The following SREBF1 variants were observed in gnomAD, a reference collection of about 807,000 sequenced individuals.
SREBF1 encodes sterol regulatory element binding transcription factor 1.
Under a neutral mutation model 100.1 loss-of-function variants are expected in SREBF1, and 45 were observed. That is an observed-to-expected ratio of 0.45 (90% confidence interval 0.35 to 0.58). The LOEUF (loss-of-function observed/expected upper bound fraction) is 0.58, where lower values mean the gene tolerates loss of function less well. Among genes scored for constraint, SREBF1 ranks in the 20% least tolerant of loss-of-function variants. The pLI, the probability that SREBF1 is intolerant of heterozygous loss-of-function variation, is 0.00. For missense variants in SREBF1, 1,324 were observed against 1,539.4 expected, an observed-to-expected ratio of 0.86 and a Z score of 2.34; for synonymous variants, 657 against 681.8, an observed-to-expected ratio of 0.96 and a Z score of 0.57.
Position 17,814,827 on chromosome 17 carries a change from G to T in SREBF1, c.2602+8C>A. 9 of 1,600,052 alleles carry T rather than the reference G, an allele frequency of 5.6e-6. No individual in the cohort carries two copies. The highest frequency in any genetic ancestry group is 7.7e-6 in the Non-Finnish European group (9 of 1,173,834). On this transcript the variant is annotated splice_region_variant and intron_variant, in intron 14 of 18. Transcript: ENST00000261646. The stretch of plus-strand genomic sequence containing the variant: ...AGAAGGGAGCCAGGACAGGGGCCGG[G>T]GACTCACCGGTGGTGGTGGCCATGC...
chr17:17,817,635 G>C lies in SREBF1; in HGVS notation c.1404+61C>G. ...GATCTGTTAGGGTCTTCCCGGCCCT[G>C]TCATGAGGCTCAGAGGATATGGCTG... is the stretch of plus-strand genomic sequence containing the variant. On this transcript the variant is annotated intron_variant, in intron 7 of 18. Transcript: ENST00000261646. The surrounding 1 kb of genome is among the most constrained non-coding windows in gnomAD (Gnocchi z 6.6). The C allele has an allele frequency of 6.2e-7, 1 of 1,603,284 alleles. No individual in the cohort carries two copies. The highest frequency in any genetic ancestry group is 8.5e-7 in the Non-Finnish European group (1 of 1,172,078).
chr17:17,811,953 CTAAGT>C lies in SREBF1; in HGVS notation c.*664_*668del, dbSNP rs1275842158. On this transcript the variant is annotated 3_prime_UTR_variant, in exon 19 of 19. Transcript: ENST00000261646. ...ACTAACAAACAAACATCGGGAAGAG[CTAAGT>C]TAAAAGTTGTGTACCTTGTGGCCGG... The C allele has an allele frequency of 2.2e-6, 1 of 448,044 alleles. No individual in the cohort carries two copies. The highest frequency in any genetic ancestry group is 1.6e-5 in the South Asian group (1 of 63,156). The allele number at this position is 448,044 out of a possible 1,614,324, so 27.8% of individuals were successfully genotyped here.
At chr17:17,828,741 C>A (rs1165191916) in intron 1 of SREBF1, among the ~76,000 whole-genome samples, 5 of 151,992 alleles carry the variant, frequency 3.3e-5, no homozygotes, top group Admixed American at 2.6e-4. Flanking sequence ...TGTAGCAAGG[C>A]CCCATCTCTA....
rs771276198 is a variant in SREBF1, at chr17:17,816,372, C to A, written c.2049G>T (p.Gly683=). 6.3e-6 allele frequency: 10 copies of A among 1,589,354 alleles called. No individual in the cohort carries two copies. The highest frequency in any genetic ancestry group is 7.7e-6 in the Non-Finnish European group (9 of 1,169,722). The part of the protein sequence containing the change: ...YHKLHQLHTM[G]KHTGGHLTAT... ...CAGTGAGGTGCCCGCCTGTGTGCTT[C>A]CCTGGAAGGCAAGCAGGCATGAGGC... The change falls in exon 11 of 19, where the codon GGG becomes GGT. Residue 683 remains glycine (G), a splice_region_variant and synonymous_variant. Transcript: ENST00000261646.
At chr17:17,815,179 G>T in intron 13 of SREBF1, 42 bp downstream of exon 13, 1 of 1,572,560 alleles carries the variant, frequency 6.4e-7, no homozygotes, top group Non-Finnish European at 8.7e-7. Flanking sequence ...TCAGAATCCC[G>T]CCGGAGGGGC....
At chr17:17,828,415 G>A (rs764108874) in intron 1 of SREBF1, among the ~76,000 whole-genome samples, 4 of 152,188 alleles carry the variant, frequency 2.6e-5, no homozygotes, top group East Asian at 1.9e-4. Context: ...GGCTCTTCCC[G>A]GAGCTACAGG....
At chr17:17,829,205 A>AAAAAAAAAAATATAT (rs1210718799) in intron 1 of SREBF1, among the ~76,000 whole-genome samples, 2 of 65,874 alleles carry the variant, frequency 3.0e-5, no homozygotes, top group African/African-American at 8.8e-5. Context: ...AAAAAAAAAA[A>AAAAAAAAAAATATAT]ATATATATAT....
At chr17:17,829,239 T>C (rs1042540991) in intron 1 of SREBF1, among the ~76,000 whole-genome samples, 3 of 123,136 alleles carry the variant, frequency 2.4e-5, no homozygotes, top group Non-Finnish European at 4.7e-5. Flanking sequence ...TATATATGTA[T>C]ACACACACAC....
At chr17:17,815,352 G>C in intron 12 of SREBF1, 23 bp from the exon 13 acceptor site, 1 of 1,596,374 alleles carries the variant, frequency 6.3e-7, no homozygotes, top group Admixed American at 1.7e-5. Flanking sequence ...GGAGGTGAGT[G>C]GGGTGGGGAG....
At chr17:17,831,513 G>A (rs968972085) in intron 1 of SREBF1, among the ~76,000 whole-genome samples, 1 of 152,156 alleles carries the variant, frequency 6.6e-6, no homozygotes, top group South Asian at 2.1e-4. Context: ...CAGACATGAC[G>A]GGGTCCAGGC....
chr17:17,817,205 G>A lies in SREBF1; in HGVS notation c.1606+51C>T, dbSNP rs1260767488. 6.2e-7 allele frequency: 1 copy of A among 1,610,932 alleles called. No individual in the cohort carries two copies. Among genetic ancestry groups the A allele is most frequent in the Admixed American group, 1.7e-5 (1 of 59,468 alleles). On this transcript the variant is annotated intron_variant, in intron 8 of 18. Transcript: ENST00000261646. The surrounding 1 kb of genome is among the most constrained non-coding windows in gnomAD (Gnocchi z 6.6). ...CAGAGCCCCAAGTTCACAAGCCTGGGGGCTCACCCCGAGTGTCCCTCCCAA... is the reference window on the plus strand; with the variant it reads ...CAGAGCCCCAAGTTCACAAGCCTGGAGGCTCACCCCGAGTGTCCCTCCCAA...
intron 12 of SREBF1, 193 bp downstream of exon 12, chr17:17,815,667 A>C (rs2033478347): frequency 3.1e-6 from 2 of 638,748 alleles, no homozygotes; most frequent in East Asian, 2.7e-5. Context: ...CAATCCCTGC[A>C]TGTGCTTCTG....
Position 17,815,289 on chromosome 17 carries a change from A to G in SREBF1, c.2424T>C (p.His808=). 6.2e-7 allele frequency: 1 copy of G among 1,613,550 alleles called. No homozygotes were observed. Among genetic ancestry groups the G allele is most frequent in the Non-Finnish European group, 8.5e-7 (1 of 1,179,948 alleles). ...CACAGTTCAGTGCTCGCTCTAAGAG[A>G]TGTTCCCGGAATAGCTGAGTCACCT... ...LAQVTQLFRE[H]LLERALNCVT... The change falls in exon 13 of 19, where the codon CAT becomes CAC. Residue 808 remains histidine (H), a synonymous_variant. Coordinates refer to ENST00000261646, the MANE Select transcript of SREBF1 (RefSeq NM_004176.5).
intron 18 of SREBF1, 193 bp downstream of exon 18, chr17:17,813,175 C>T (rs1474179862): frequency 1.5e-6 from 1 of 650,060 alleles, no homozygotes; most frequent in African/African-American, 1.8e-5. Flanking sequence ...GTCACTCAGG[C>T]TCACTGCGGC....
rs763645145 is a variant in SREBF1 at position 17,813,456 on chromosome 17, G to A, written c.3126C>T (p.Ala1042=). 7.5e-6 allele frequency: 12 copies of A among 1,604,386 alleles called. No homozygotes were observed. The Admixed American group carries it at 1.2e-4, about 16-fold the overall frequency. ...MRRVFLHEAT[A]RLMAGASPTR... The stretch of plus-strand genomic sequence containing the variant: ...TGGGGCTGGCCCCCGCCATCAGCCG[G>A]GCCGTGGCCTCATGTAGGAACACCT... The change falls in exon 18 of 19, where the codon GCC becomes GCT. Residue 1042 remains alanine (A), a synonymous_variant. Coordinates refer to ENST00000261646, the MANE Select transcript of SREBF1 (RefSeq NM_004176.5).
intron 1 of SREBF1, among the ~76,000 whole-genome samples, chr17:17,821,152 T>TACACACACACACACAC (rs60948138): frequency 1.3e-5 from 2 of 149,380 alleles, no homozygotes; most frequent in African/African-American, 4.9e-5. Context: ...TCCACACACA[T>TACACACACACACACAC]ACACACACAC....
chr17:17,813,055 A>G (rs2033103943), intron 18 of SREBF1: 6 of 604,962 alleles, frequency 9.9e-6, no homozygotes, highest in Middle Eastern at 4.4e-4. Flanking sequence ...GCAGTCATGT[A>G]TCCCACAAAT....
At chr17:17,829,191 T>TAAAAAAAAAAAAAAAAAA (rs1253225038) in intron 1 of SREBF1, among the ~76,000 whole-genome samples, 6 of 44,934 alleles carry the variant, frequency 1.3e-4, no homozygotes, top group African/African-American at 7.3e-4. Context: ...GACTCCATCT[T>TAAAAAAAAAAAAAAAAAA]AAAAAAAAAA....
rs1191989293 is a variant in SREBF1 at position 17,820,474 on chromosome 17, A to G, written c.139T>C (p.Phe47Leu). 1 of 1,614,094 alleles carries G rather than the reference A, an allele frequency of 6.2e-7. No individual in the cohort carries two copies. Among genetic ancestry groups the G allele is most frequent in the Admixed American group, 1.7e-5 (1 of 60,016 alleles). The change falls in exon 2 of 19, where the codon TTT becomes CTT. Residue 47 changes from phenylalanine (F) to leucine (L), a missense_variant. Transcript: ENST00000261646. ...CCACTCCCAGCATAGGGTGGGTCAAATAGGCCAGGGAAGTCACTGTCTTGG... is the reference window on the plus strand; with the variant it reads ...CCACTCCCAGCATAGGGTGGGTCAAGTAGGCCAGGGAAGTCACTGTCTTGG... ...NNQDSDFPGL[F>L]DPPYAGSGAG...
Sources: gnomAD v4.1 joint callset for allele counts (sites outside exome capture counted in the v4.1 genomes callset) on GRCh38, gnomAD v4.1.1 for gene constraint, Gnocchi (gnomAD v3.1) non-coding constraint, MANE v1.5 for transcripts, NCBI Gene and HGNC (gene_info 2026-07-23, HGNC 2026-07-21) for gene names.